The following WSB1 variants were observed in gnomAD, a reference collection of about 807,000 sequenced individuals.
WSB1 encodes WD repeat and SOCS box-containing protein 1.
WSB1 carries 23 observed loss-of-function variants against 50.2 expected under a neutral mutation model. That is an observed-to-expected ratio of 0.46 (90% CI 0.33 to 0.65). WSB1 has a LOEUF of 0.65. Among genes scored for constraint, WSB1 ranks in the 30% least tolerant of loss-of-function variants. WSB1 has a pLI of 0.02. For missense variants in WSB1, 492 were observed against 522.3 expected (o/e 0.94, Z 0.56); for synonymous variants, 179 against 172.0 (o/e 1.04, Z -0.32).
Position 27,294,228 on chromosome 17 carries a change from G to T in WSB1, c.-168G>T. ...CCGTACTTTGGTCTGAGGCCTTCGG[G>T]AGCTTTCCCGAGGCAGTTAGCAGAA... On this transcript the variant is annotated 5_prime_UTR_variant, in exon 1 of 9. Coordinates refer to ENST00000262394, the MANE Select transcript of WSB1 (RefSeq NM_015626.10). 1 of 844,350 alleles carries T rather than the reference G, an allele frequency of 1.2e-6. No homozygotes were observed. Among genetic ancestry groups the T allele is most frequent in the East Asian group, 2.7e-5 (1 of 37,720 alleles). The allele number at this position is 844,350 out of a possible 1,614,324, so 52.3% of individuals were successfully genotyped here.
Position 27,294,137 on chromosome 17 carries a change from T to G in WSB1, c.-259T>G, listed in dbSNP as rs1296520176. 2 of 323,444 alleles carry G rather than the reference T, an allele frequency of 6.2e-6. No individual in the cohort carries two copies. Among genetic ancestry groups the G allele is most frequent in the Non-Finnish European group, 5.7e-6 (1 of 176,650 alleles). The allele number at this position is 323,444 out of a possible 1,614,324, so 20.0% of individuals were successfully genotyped here. A position where few individuals can be genotyped will look rare whatever the true frequency, so the allele number is the denominator to read the frequency against. The stretch of plus-strand genomic sequence containing the variant: ...CCAGTGTCTCGTTTGCAGTCGGCGC[T>G]TTAGGGGAACTGTCTTCCTCCGCAG... On this transcript the variant is annotated 5_prime_UTR_variant, in exon 1 of 9. Coordinates refer to ENST00000262394, the MANE Select transcript of WSB1 (RefSeq NM_015626.10).
chr17:27,307,058 G>A, intron 5 of WSB1, 176 bp downstream of exon 5: 1 of 625,610 alleles, frequency 1.6e-6, no homozygotes. Context: ...GTTATTGATT[G>A]CCAAGTGAGA....
At position 27,310,077 on chromosome 17, in the gene WSB1, C is replaced by G; in HGVS notation, c.901C>G (p.Pro301Ala). ...LMEFGHLFPPPTPIFAGGAND... is the reference protein window; with the variant it reads ...LMEFGHLFPPATPIFAGGAND... ...TGACCTCAGGCACCTGTTTCCCCCA[C>G]CTACTCCAATATTTGCTGGAGGAGC... Residue 301 changes from proline (P) to alanine (A), a missense_variant, in exon 7 of 9, where the codon CCT becomes GCT. Transcript: ENST00000262394. 1 of 1,614,100 alleles carries G rather than the reference C, an allele frequency of 6.2e-7. No homozygotes were observed. Among genetic ancestry groups the G allele is most frequent in the Non-Finnish European group, 8.5e-7 (1 of 1,179,944 alleles).
Position 27,312,382 on chromosome 17 carries a change from TC to T in WSB1, c.*16del. 1 of 1,613,618 alleles carries T rather than the reference TC, an allele frequency of 6.2e-7. No individual in the cohort carries two copies. The highest frequency in any genetic ancestry group is 8.5e-7 in the Non-Finnish European group (1 of 1,179,914). ...GTATCGTATTTAGAAGATTCTGCCT[TC>T]CCTAGTAGTAGGGACTGACAGAATA... On this transcript the variant is annotated 3_prime_UTR_variant, in exon 9 of 9. Coordinates refer to ENST00000262394, the MANE Select transcript of WSB1 (RefSeq NM_015626.10).
At chr17:27,307,683 T>C (rs2017515970) in intron 5 of WSB1, 7 of 1,489,940 alleles carry the variant, frequency 4.7e-6, no homozygotes, top group Non-Finnish European at 5.4e-6. Flanking sequence ...CAAAATTAGA[T>C]GTTGACATTG....
chr17:27,297,990 G>T (rs1338152846), intron 1 of WSB1, among the ~76,000 whole-genome samples: 2 of 151,762 alleles, frequency 1.3e-5, no homozygotes, highest in Non-Finnish European at 2.9e-5. Context: ...GCATCATGAT[G>T]GTGCATACCT....
intron 5 of WSB1, 89 bp downstream of exon 5, chr17:27,306,971 C>CTG: frequency 7.9e-7 from 1 of 1,257,944 alleles, no homozygotes; most frequent in Non-Finnish European, 1.1e-6. Flanking sequence ...CCTATGAAGT[C>CTG]TGTGCTCGGT....
chr17:27,314,918 G>C lies in WSB1; in HGVS notation c.*2549G>C, dbSNP rs569352422. 2 of 152,040 alleles carry C rather than the reference G, an allele frequency of 1.3e-5. No homozygotes were observed. The highest frequency in any genetic ancestry group is 4.1e-4 in the South Asian group (2 of 4,822). The allele number at this position is 152,040 out of a possible 1,614,324, so 9.4% of individuals were successfully genotyped here. ...CCTGACCTCGTGATCCGCCCGCCTC[G>C]GCCTCCCAGAGTGCTGGGATTATAG... is the stretch of plus-strand genomic sequence containing the variant. On this transcript the variant is annotated 3_prime_UTR_variant, in exon 9 of 9. Coordinates refer to ENST00000262394, the MANE Select transcript of WSB1 (RefSeq NM_015626.10).
chr17:27,297,031 A>G (rs1339506062), intron 1 of WSB1, among the ~76,000 whole-genome samples: 1 of 152,204 alleles, frequency 6.6e-6, no homozygotes, highest in Non-Finnish European at 1.5e-5. Flanking sequence ...TAATGCATTT[A>G]TTTGGTAGGT....
In WSB1 at chr17:27,304,962, A is replaced by G. The variant is rs773017679; in HGVS notation, c.610+51A>G. The G allele has an allele frequency of 1.2e-5, 20 of 1,605,072 alleles. No individual in the cohort carries two copies. The East Asian group carries it at 2.5e-4, about 20-fold the overall frequency. On this transcript the variant is annotated intron_variant, in intron 4 of 8. Transcript: ENST00000262394. ...CTAGGATTTGTTTCTTGATACTACT[A>G]TGGAGAGGTATTGGGAACATGTGGG...
Position 27,313,527 on chromosome 17 carries a change from G to T in WSB1, c.*1158G>T, listed in dbSNP as rs143728649. The T allele has an allele frequency of 6.6e-6, 1 of 151,438 alleles. No homozygotes were observed. The allele number at this position is 151,438 out of a possible 1,614,324, so 9.4% of individuals were successfully genotyped here. A position where few individuals can be genotyped will look rare whatever the true frequency, so the allele number is the denominator to read the frequency against. On this transcript the variant is annotated 3_prime_UTR_variant, in exon 9 of 9. Transcript: ENST00000262394. ...TACAGCATATCTGCTTTTGCCTTCT[G>T]TTGTTTATCTTACCTGCAGATATTA...
chr17:27,304,936 A>G, intron 4 of WSB1, 25 bp downstream of exon 4: 1 of 1,612,830 alleles, frequency 6.2e-7, no homozygotes. Flanking sequence ...CAAGCTATGA[A>G]CTAGGATTTG....
chr17:27,308,233 C>T (rs1401737768), intron 5 of WSB1: 3 of 985,500 alleles, frequency 3.0e-6, no homozygotes, highest in Non-Finnish European at 3.6e-6. Context: ...AAAAGGATTG[C>T]TTTACTCCAA....
intron 1 of WSB1, among the ~76,000 whole-genome samples, chr17:27,299,950 G>A (rs1298924761): frequency 1.1e-4 from 16 of 140,218 alleles, no homozygotes; most frequent in Non-Finnish European, 2.4e-4. Context: ...TCATAGAAAA[G>A]TAGGTCTCAG....
chr17:27,304,930 C>G lies in WSB1; in HGVS notation c.610+19C>G, dbSNP rs1472820884. The G allele has an allele frequency of 6.2e-7, 1 of 1,613,026 alleles. No individual in the cohort carries two copies. The highest frequency in any genetic ancestry group is 8.5e-7 in the Non-Finnish European group (1 of 1,179,352). ...GATGATGGTATGTCTTTTTTCCAAG[C>G]TATGAACTAGGATTTGTTTCTTGAT... On this transcript the variant is annotated intron_variant, in intron 4 of 8. Transcript: ENST00000262394.
chr17:27,304,700 A>G lies in WSB1; in HGVS notation c.479-80A>G, dbSNP rs998964786. On this transcript the variant is annotated intron_variant, in intron 3 of 8. Transcript: ENST00000262394. ...GCACTCCAGCCTGAGTGACAGAGTG[A>G]GACCCTGTCTCAAGAAAAATAAGAA... 3.3e-5 allele frequency: 46 copies of G among 1,414,220 alleles called. No homozygotes were observed. In the African/African-American group the frequency reaches 6.6e-4, roughly 20 times the overall value. 87.6% of individuals were successfully genotyped at this position (1,414,220 alleles called of 1,614,324 possible).
At chr17:27,306,979 G>C in intron 5 of WSB1, 97 bp downstream of exon 5, 1 of 1,144,966 alleles carries the variant, frequency 8.7e-7, no homozygotes, top group Non-Finnish European at 1.3e-6. Context: ...GTCTGTGCTC[G>C]GTGTCATGAA....
chr17:27,308,969 ATTC>A (rs1448979073), intron 5 of WSB1, 128 bp from the exon 6 acceptor site: 1 of 1,314,024 alleles, frequency 7.6e-7, no homozygotes, highest in Non-Finnish European at 9.8e-7. Flanking sequence ...CACTGAGCAT[ATTC>A]TTTAAATTAC....
intron 1 of WSB1, among the ~76,000 whole-genome samples, chr17:27,295,075 T>TACTA (rs1231357841): frequency 1.3e-5 from 2 of 152,198 alleles, no homozygotes; most frequent in Non-Finnish European, 2.9e-5. Context: ...CTTTTCTGGC[T>TACTA]TAGTGTCTAG....
Sources: allele counts gnomAD v4.1 joint callset (sites outside exome capture counted in the v4.1 genomes callset), GRCh38; gene constraint gnomAD v4.1.1; transcripts MANE v1.5; gene names NCBI Gene and HGNC (gene_info 2026-07-23, HGNC 2026-07-21).